Variants in PPP1R12A observed in about 807,000 individuals in gnomAD.
PPP1R12A encodes myosin binding subunit.
Under a neutral mutation model 139.6 loss-of-function variants are expected in PPP1R12A, and 19 were observed. That is an observed-to-expected ratio of 0.14 (90% CI 0.09 to 0.20). The LOEUF is 0.20. Ranked by LOEUF, PPP1R12A falls within the 10% of genes least tolerant of loss-of-function variation. The pLI, the probability that PPP1R12A is intolerant of heterozygous loss-of-function variation, is 1.00. For synonymous variants in PPP1R12A, 427 were observed against 420.6 expected, an observed-to-expected ratio of 1.02 and a Z score of -0.19; for missense variants, 925 against 1,211.5, an observed-to-expected ratio of 0.76 and a Z score of 3.51.
Position 79,935,093 on chromosome 12 carries a change from G to C in PPP1R12A, c.-162C>G. On this transcript the variant is annotated 5_prime_UTR_variant, in exon 1 of 25. Transcript: ENST00000450142. ...CTCGAGACTTCCAGTATCCCACAGAGCACTGGGGCGGCGCACCCGGCCGAG... is the reference window on the plus strand; with the variant it reads ...CTCGAGACTTCCAGTATCCCACAGACCACTGGGGCGGCGCACCCGGCCGAG... 2 of 1,372,794 alleles carry C rather than the reference G, an allele frequency of 1.5e-6. No individual in the cohort carries two copies. The highest frequency in any genetic ancestry group is 3.5e-5 in the Admixed American group (1 of 28,250). 85.0% of individuals were successfully genotyped at this position (1,372,794 alleles called of 1,614,324 possible).
In PPP1R12A at chr12:79,912,612, T is replaced by C. The variant is rs142600275; in HGVS notation, c.237+22083A>G. 5.2e-3 allele frequency among the ~76,000 whole-genome samples: 787 copies of C among 151,970 alleles called. 5 individuals are homozygous for C. Among genetic ancestry groups the C allele is most frequent in the African/African-American group, 0.018 (747 of 41,428 alleles). Reference sequence around the variant, plus strand: ...AGGTGGCTGAGGTGGGAGGATTGCTTGAGCTCAGGAGGTCAAGGCTGCAGT... The same window carrying C: ...AGGTGGCTGAGGTGGGAGGATTGCTCGAGCTCAGGAGGTCAAGGCTGCAGT... On this transcript the variant is annotated intron_variant, in intron 1 of 24. Coordinates refer to ENST00000450142, the MANE Select transcript of PPP1R12A (RefSeq NM_002480.3).
chr12:79,809,591 A>G (rs746797251), intron 10 of PPP1R12A, among the ~76,000 whole-genome samples: 1 of 152,194 alleles, frequency 6.6e-6, no homozygotes, highest in Non-Finnish European at 1.5e-5. Context: ...GTATAGTCCC[A>G]TAATTTATGT....
In PPP1R12A at chr12:79,807,107, C is replaced by T. The variant is rs1280919722; in HGVS notation, c.1655+119G>A. ...TAGAGTAAGTTTTAAACAACAAAAA[C>T]TCGTATTTAATAAAAACACATATTT... is the stretch of plus-strand genomic sequence containing the variant. On this transcript the variant is annotated intron_variant, in intron 12 of 24. Coordinates refer to ENST00000450142, the MANE Select transcript of PPP1R12A (RefSeq NM_002480.3). 1.6e-5 allele frequency: 9 copies of T among 574,414 alleles called. No individual in the cohort carries two copies. The African/African-American group carries it at 1.8e-4, about 11-fold the overall frequency. 35.6% of individuals were successfully genotyped at this position (574,414 alleles called of 1,614,324 possible).
chr12:79,843,571 T>G (rs1172937919), intron 3 of PPP1R12A, among the ~76,000 whole-genome samples: 2 of 151,158 alleles, frequency 1.3e-5, no homozygotes, highest in Non-Finnish European at 2.9e-5. Context: ...GCCACTGCAC[T>G]CCAGCCTGGG....
chr12:79,795,376 C>A (rs1592624780), intron 18 of PPP1R12A, among the ~76,000 whole-genome samples: 1 of 152,028 alleles, frequency 6.6e-6, no homozygotes, highest in Non-Finnish European at 1.5e-5. Context: ...ATAAAATAAT[C>A]AATACATGCA....
chr12:79,824,290 GATT>G (rs1176570461), intron 5 of PPP1R12A, among the ~76,000 whole-genome samples: 4 of 152,056 alleles, frequency 2.6e-5, no homozygotes, highest in Non-Finnish European at 5.9e-5. Context: ...GTGTGTTTAA[GATT>G]ATGTTATGTG....
At chr12:79,801,174 CATCTCT>C (rs1200253607) in intron 14 of PPP1R12A, among the ~76,000 whole-genome samples, 6 of 150,712 alleles carry the variant, frequency 4.0e-5, no homozygotes, top group East Asian at 2.0e-4. Flanking sequence ...GGAGAAACCC[CATCTCT>C]ATTAAAAATA....
chr12:79,810,237 T>C (rs993102578), intron 9 of PPP1R12A, among the ~76,000 whole-genome samples: 5 of 152,200 alleles, frequency 3.3e-5, no homozygotes, highest in Non-Finnish European at 7.3e-5. Flanking sequence ...GAAAACACAC[T>C]ACACACTTTA....
At chr12:79,801,024 T>A (rs993567126) in intron 14 of PPP1R12A, among the ~76,000 whole-genome samples, 1 of 151,464 alleles carries the variant, frequency 6.6e-6, no homozygotes, top group South Asian at 2.1e-4. Context: ...TGAGCCACTG[T>A]GCCCAGCTCA....
intron 1 of PPP1R12A, among the ~76,000 whole-genome samples, chr12:79,891,078 T>G (rs1481483806): frequency 6.6e-6 from 1 of 152,086 alleles, no homozygotes; most frequent in African/African-American, 2.4e-5. Flanking sequence ...AGGGGGGAAC[T>G]ACATTCCTGA....
intron 1 of PPP1R12A, among the ~76,000 whole-genome samples, chr12:79,897,396 G>A (rs1031606823): frequency 6.6e-6 from 1 of 152,170 alleles, no homozygotes; most frequent in Non-Finnish European, 1.5e-5. Context: ...GGGAGTCGGG[G>A]AGGGAACAAG....
chr12:79,793,840 A>G, intron 19 of PPP1R12A, 23 bp downstream of exon 19: 3 of 1,519,644 alleles, frequency 2.0e-6, no homozygotes, highest in Non-Finnish European at 2.7e-6. Flanking sequence ...ATACTTCTCA[A>G]TACAAAAAGT....
intron 10 of PPP1R12A, among the ~76,000 whole-genome samples, chr12:79,808,808 A>C (rs1006170179): frequency 6.6e-6 from 1 of 152,140 alleles, no homozygotes; most frequent in African/African-American, 2.4e-5. Context: ...TTTACTAAGA[A>C]AGGAAAAAAA....
chr12:79,854,005 A>G (rs1880344528), intron 2 of PPP1R12A, among the ~76,000 whole-genome samples: 1 of 152,206 alleles, frequency 6.6e-6, no homozygotes, highest in Admixed American at 6.5e-5. Flanking sequence ...CAGTTGAGTT[A>G]TGTGTGTTGT....
intron 2 of PPP1R12A, among the ~76,000 whole-genome samples, chr12:79,848,098 T>C (rs1879620074): frequency 6.6e-6 from 1 of 152,238 alleles, no homozygotes; most frequent in African/African-American, 2.4e-5. Context: ...CTGTATCATT[T>C]TGTAGTTTCA....
intron 24 of PPP1R12A, chr12:79,777,493 CAAG>C: frequency 2.0e-6 from 2 of 985,242 alleles, no homozygotes; most frequent in South Asian, 4.7e-5. Context: ...CTGGCTCTAC[CAAG>C]AAGAAATGAT....
intron 1 of PPP1R12A, among the ~76,000 whole-genome samples, chr12:79,923,919 C>T (rs538425206): frequency 7.9e-5 from 12 of 152,248 alleles, no homozygotes; most frequent in African/African-American, 2.9e-4. Flanking sequence ...TGGTGGACGC[C>T]TGTAATCCCA....
chr12:79,788,493 G>A (rs1871388026), intron 21 of PPP1R12A, 155 bp downstream of exon 21: 4 of 643,740 alleles, frequency 6.2e-6, no homozygotes, highest in Non-Finnish European at 7.5e-6. Flanking sequence ...TAAACAAACA[G>A]CTATTTACAT....
intron 10 of PPP1R12A, among the ~76,000 whole-genome samples, chr12:79,809,401 AT>A (rs968146386): frequency 2.6e-5 from 4 of 151,914 alleles, no homozygotes; most frequent in South Asian, 2.1e-4. Flanking sequence ...AAAATCTGGT[AT>A]TTTTTTTCAG....
Sources: allele counts gnomAD v4.1 joint callset (sites outside exome capture counted in the v4.1 genomes callset), GRCh38; gene constraint gnomAD v4.1.1; transcripts MANE v1.5; gene names NCBI Gene and HGNC (gene_info 2026-07-23, HGNC 2026-07-21).